Variants in ODAD2 observed in about 807,000 individuals in gnomAD.
The protein encoded by ODAD2 is outer dynein arm-docking complex subunit 2.
ODAD2 carries 89 observed loss-of-function variants against 106.8 expected under a neutral mutation model. The observed-to-expected ratio is 0.83, with a 90% confidence interval of 0.70 to 0.99. ODAD2 has a LOEUF of 0.99. Ranked by LOEUF, ODAD2 falls within the 50% of genes least tolerant of loss-of-function variation. The probability of loss-of-function intolerance (pLI) is 0.00; values close to 1 mark genes in which losing one functional copy is unlikely to be tolerated. For synonymous variants in ODAD2, 404 were observed against 436.2 expected (o/e 0.93, Z 0.92); for missense variants, 1,168 against 1,238.5 (o/e 0.94, Z 0.85).
intron 1 of ODAD2, among the ~76,000 whole-genome samples, chr10:27,996,905 G>A (rs574647983): frequency 1.4e-4 from 22 of 152,062 alleles, no homozygotes; most frequent in African/African-American, 4.1e-4. Context: ...GTACTTGAGC[G>A]TTTACATGCC....
rs1163406491 is a variant in ODAD2 at position 27,935,032 on chromosome 10, C to A, written c.2473G>T (p.Ala825Ser). 2.5e-6 allele frequency: 4 copies of A among 1,613,844 alleles called. No individual in the cohort carries two copies. Among genetic ancestry groups the A allele is most frequent in the Non-Finnish European group, 2.5e-6 (3 of 1,179,852 alleles). Reference sequence around the variant, plus strand: ...TACATCATACTTTCAGGTTCTACTGCACAAGCACCAACTGCTTTTGTAACA... The same window carrying A: ...TACATCATACTTTCAGGTTCTACTGAACAAGCACCAACTGCTTTTGTAACA... ...VNVTKAVGAC[A>S]VEPESMMIID... The change falls in exon 16 of 20, where the codon GCA (alanine) becomes TCA (serine). Residue 825 changes from alanine (A) to serine (S), a missense_variant. Around this residue, in one of 3 missense-constraint regions of ODAD2, gnomAD observed 701 missense variants for 712.3 expected, o/e 0.98. Coordinates refer to ENST00000305242, the MANE Select transcript of ODAD2 (RefSeq NM_018076.5).
chr10:27,960,252 C>T (rs1239813282), intron 10 of ODAD2, among the ~76,000 whole-genome samples: 2 of 150,904 alleles, frequency 1.3e-5, no homozygotes, highest in Admixed American at 1.3e-4. Context: ...AGCATTAGGG[C>T]TTGTTTCGTA....
chr10:27,832,621 C>T (rs944742554), intron 19 of ODAD2, among the ~76,000 whole-genome samples: 9 of 152,106 alleles, frequency 5.9e-5, no homozygotes, highest in South Asian at 2.1e-4. Flanking sequence ...AATGATCTGG[C>T]GGGCTCCTTT....
chr10:27,820,303 C>T (rs570020140), intron 19 of ODAD2, among the ~76,000 whole-genome samples: 121 of 152,092 alleles, frequency 8.0e-4, no homozygotes, highest in African/African-American at 2.8e-3. Flanking sequence ...GCCCATCCTC[C>T]CTCAGACCTG....
chr10:27,918,496 C>A (rs1214557960), intron 16 of ODAD2, among the ~76,000 whole-genome samples: 1 of 151,870 alleles, frequency 6.6e-6, no homozygotes, highest in East Asian at 1.9e-4. Flanking sequence ...ATTCAAAAAT[C>A]TATTTTTATT....
chr10:27,998,082 T>C (rs6481497), intron 1 of ODAD2, among the ~76,000 whole-genome samples: 1 of 151,868 alleles, frequency 6.6e-6, no homozygotes, highest in Non-Finnish European at 1.5e-5. Flanking sequence ...ACCCATTCGG[T>C]AATCACATCG....
intron 5 of ODAD2, 21 bp downstream of exon 5, chr10:27,984,163 G>A (rs771236503): frequency 1.9e-6 from 3 of 1,562,212 alleles, no homozygotes; most frequent in Non-Finnish European, 1.8e-6. Flanking sequence ...AACATAAAAT[G>A]AGCCTGAGAA....
Position 27,844,809 on chromosome 10 carries a change from C to A in ODAD2, c.3021+15816G>T, listed in dbSNP as rs149949970. Among the ~76,000 whole-genome samples, 520 of 152,230 alleles carry A rather than the reference C, an allele frequency of 3.4e-3. 8 individuals are homozygous for A. The highest frequency in any genetic ancestry group is 0.031 in the Admixed American group (473 of 15,288). On this transcript the variant is annotated intron_variant, in intron 19 of 19. Transcript: ENST00000305242. ...ACTTAGCTTTTCTTTTTCATTTCTTCTCACTTGTAGCTCTAAGAAGGGGAG... is the reference window on the plus strand; with the variant it reads ...ACTTAGCTTTTCTTTTTCATTTCTTATCACTTGTAGCTCTAAGAAGGGGAG...
intron 17 of ODAD2, among the ~76,000 whole-genome samples, chr10:27,905,580 C>T (rs1843529069): frequency 1.3e-5 from 2 of 152,150 alleles, no homozygotes; most frequent in African/African-American, 2.4e-5. Flanking sequence ...GCAAAAAGAA[C>T]AAGGCTGGAG....
At position 27,944,729 on chromosome 10, in the gene ODAD2, A is replaced by G. The variant is rs1023050229; in HGVS notation, c.1533+87T>C. On this transcript the variant is annotated intron_variant, in intron 11 of 19. Transcript: ENST00000305242. The stretch of plus-strand genomic sequence containing the variant: ...AGCAGATAAAGACAAGAACCAGGCA[A>G]CGAGGCATGGCAGAAACCTAGAGCT... 5.7e-5 allele frequency: 87 copies of G among 1,514,790 alleles called. 1 individual carries two copies. In the African/African-American group the frequency reaches 1.1e-3, roughly 20 times the overall value. 93.8% of individuals were successfully genotyped at this position (1,514,790 alleles called of 1,614,324 possible).
chr10:27,914,062 C>T (rs1844194757), intron 16 of ODAD2, among the ~76,000 whole-genome samples: 1 of 152,024 alleles, frequency 6.6e-6, no homozygotes, highest in Admixed American at 6.6e-5. Context: ...TTCACAGTAG[C>T]AAAGACATAA....
At chr10:27,984,428 A>G (rs1214564236) in intron 4 of ODAD2, 138 bp from the exon 5 acceptor site, 3 of 620,442 alleles carry the variant, frequency 4.8e-6, no homozygotes, top group Non-Finnish European at 8.4e-6. Flanking sequence ...CTATAATTTT[A>G]TAACAGCACT....
chr10:27,925,386 C>G (rs1845184863), intron 16 of ODAD2, among the ~76,000 whole-genome samples: 1 of 152,154 alleles, frequency 6.6e-6, no homozygotes, highest in South Asian at 2.1e-4. Context: ...GAGGCAAGGC[C>G]TCACTCTGTC....
chr10:27,871,416 AT>A (rs1840876162), intron 17 of ODAD2, among the ~76,000 whole-genome samples: 2 of 152,196 alleles, frequency 1.3e-5, no homozygotes, highest in African/African-American at 4.8e-5. Context: ...TGTTTTAGAC[AT>A]GAAGTCCTTG....
rs1020212365 is a variant in ODAD2, at chr10:27,940,903, G to A, written c.1744-98C>T. On this transcript the variant is annotated intron_variant, in intron 12 of 19. Transcript: ENST00000305242. ...AGTGTTCCTTACCAAGCTCACCTCC[G>A]TCAAAAACAAGAATGCTTTAAAAAA... The A allele has an allele frequency of 1.7e-5, 21 of 1,263,180 alleles. No individual in the cohort carries two copies. In the East Asian group the frequency reaches 2.9e-4, roughly 17 times the overall value. 78.2% of individuals were successfully genotyped at this position (1,263,180 alleles called of 1,614,324 possible).
At chr10:27,855,405 C>A (rs1420242259) in intron 19 of ODAD2, among the ~76,000 whole-genome samples, 1 of 151,988 alleles carries the variant, frequency 6.6e-6, no homozygotes, top group Non-Finnish European at 1.5e-5. Flanking sequence ...TTCATCGATA[C>A]CAATTGGTTC....
intron 1 of ODAD2, among the ~76,000 whole-genome samples, chr10:27,997,887 A>C (rs552289726): frequency 6.6e-6 from 1 of 152,362 alleles, no homozygotes; most frequent in South Asian, 2.1e-4. Flanking sequence ...ACACCTTTGA[A>C]GTAAAGAAAG....
chr10:27,832,466 C>A (rs993074372), intron 19 of ODAD2, among the ~76,000 whole-genome samples: 1 of 152,048 alleles, frequency 6.6e-6, no homozygotes, highest in African/African-American at 2.4e-5. Context: ...TCCCTTGTAT[C>A]GCAGCCAGGT....
intron 9 of ODAD2, among the ~76,000 whole-genome samples, chr10:27,963,643 A>AT (rs1451145977): frequency 0.026 from 3,890 of 152,236 alleles, 152 homozygotes; most frequent in African/African-American, 0.079. Flanking sequence ...AACCAATAAT[A>AT]GACTATTTAT....
Sources: gnomAD v4.1 joint callset for allele counts (sites outside exome capture counted in the v4.1 genomes callset) on GRCh38, gnomAD v4.1.1 for gene constraint, gnomAD v4.1.1 regional missense constraint, MANE v1.5 for transcripts, NCBI Gene and HGNC (gene_info 2026-07-23, HGNC 2026-07-21) for gene names.